KCNMB2: variants seen among roughly 807,000 people sequenced by gnomAD.
KCNMB2 encodes the protein potassium calcium-activated channel subfamily M regulatory beta subunit 2.
In KCNMB2, 9 loss-of-function variants were observed where a neutral mutation model predicts 24.5. The observed-to-expected ratio is 0.37, with a 90% CI of 0.22 to 0.64. The LOEUF is 0.64. Among genes scored for constraint, KCNMB2 ranks in the 30% least tolerant of loss-of-function variants. The pLI is 0.63. For missense variants in KCNMB2, 226 were observed against 284.3 expected (o/e 0.79, Z 1.47); for synonymous variants, 109 against 104.4 (o/e 1.04, Z -0.27).
intron 1 of KCNMB2, among the ~76,000 whole-genome samples, chr3:178,537,798 G>A (rs986360078): frequency 3.3e-5 from 5 of 152,170 alleles, no homozygotes; most frequent in African/African-American, 1.2e-4. Flanking sequence ...TGTTTCCCCA[G>A]TGGACTTCAC....
intron 1 of KCNMB2, among the ~76,000 whole-genome samples, chr3:178,713,797 C>T (rs1360364650): frequency 1.3e-5 from 2 of 152,124 alleles, no homozygotes; most frequent in African/African-American, 2.4e-5. Flanking sequence ...AATGGAGGCC[C>T]TTGGAGGTGC....
rs1577112495 is a variant in KCNMB2, at chr3:178,705,452, T to C, written c.-67-101891T>C. ...CTAGCCAAGAACTTGTATCAGGTAC[T>C]GTGAAATTATGAAAAGTTGTTTCAT... On this transcript the variant is annotated intron_variant, in intron 1 of 4. Transcript: ENST00000452583. Among the ~76,000 whole-genome samples, 3 of 152,184 alleles carry C rather than the reference T, an allele frequency of 2.0e-5. No individual in the cohort carries two copies. In the South Asian group the frequency reaches 6.2e-4, roughly 31 times the overall value.
At position 178,828,249 on chromosome 3, in the gene KCNMB2, G is replaced by T; in HGVS notation, c.299G>T (p.Ser100Ile). Residue 100 changes from serine to isoleucine, a missense_variant, in exon 4 of 5, where the codon AGC (serine) becomes ATC (isoleucine). Coordinates refer to ENST00000452583, the MANE Select transcript of KCNMB2 (RefSeq NM_181361.3). ...ACGGAAACATTTAATTGCTCCTTCAGCTGTGGTCCAGACTGCTGGAAACTT... is the reference window on the plus strand; with the variant it reads ...ACGGAAACATTTAATTGCTCCTTCATCTGTGGTCCAGACTGCTGGAAACTT... ...SITETFNCSF[S>I]CGPDCWKLSQ... 1 of 1,613,992 alleles carries T rather than the reference G, an allele frequency of 6.2e-7. No homozygotes were observed. Among genetic ancestry groups the T allele is most frequent in the Non-Finnish European group, 8.5e-7 (1 of 1,179,916 alleles).
At chr3:178,562,658 G>A (rs1409378373) in intron 1 of KCNMB2, among the ~76,000 whole-genome samples, 1 of 152,186 alleles carries the variant, frequency 6.6e-6, no homozygotes, top group Non-Finnish European at 1.5e-5. Flanking sequence ...TGACTCATGG[G>A]TTAAAAATGC....
intron 1 of KCNMB2, among the ~76,000 whole-genome samples, chr3:178,747,689 G>C (rs1577146012): frequency 1.3e-5 from 2 of 152,116 alleles, no homozygotes; most frequent in Non-Finnish European, 2.9e-5. Context: ...TCTTGTCTTT[G>C]AGTCTATAAA....
In KCNMB2 at chr3:178,757,954, CA is replaced by C. The variant is rs1724215242; in HGVS notation, c.-67-49388del. 3.9e-5 allele frequency among the ~76,000 whole-genome samples: 3 copies of C among 76,772 alleles called. 1 individual carries two copies. The highest frequency in any genetic ancestry group is 1.2e-4 in the African/African-American group (2 of 16,090). 50.4% of individuals were successfully genotyped at this position (76,772 alleles called of 152,430 possible). A position where few individuals can be genotyped will look rare whatever the true frequency, so the allele number is the denominator to read the frequency against. On this transcript the variant is annotated intron_variant, in intron 1 of 4. Coordinates refer to ENST00000452583, the MANE Select transcript of KCNMB2 (RefSeq NM_181361.3). ...ATATATACACAAGGGGATATATAGA[CA>C]CAAGAGGATATATATATAGACACAA... is the stretch of plus-strand genomic sequence containing the variant.
chr3:178,585,049 G>A (rs1717376705), intron 1 of KCNMB2, among the ~76,000 whole-genome samples: 1 of 152,220 alleles, frequency 6.6e-6, no homozygotes, highest in South Asian at 2.1e-4. Context: ...GACAGACTAA[G>A]AGAAGGATCT....
intron 1 of KCNMB2, among the ~76,000 whole-genome samples, chr3:178,726,596 TA>T (rs1450067348): frequency 1.3e-5 from 2 of 152,014 alleles, no homozygotes; most frequent in African/African-American, 4.8e-5. Flanking sequence ...TTTCTTTAGA[TA>T]TTTTTTAGAT....
chr3:178,587,088 T>C (rs1717469855), intron 1 of KCNMB2, among the ~76,000 whole-genome samples: 1 of 152,174 alleles, frequency 6.6e-6, no homozygotes, highest in African/African-American at 2.4e-5. Flanking sequence ...ACATTTATGG[T>C]GTGAACATAG....
intron 1 of KCNMB2, among the ~76,000 whole-genome samples, chr3:178,590,830 T>C (rs181068031): frequency 9.1e-4 from 139 of 152,314 alleles, no homozygotes; most frequent in African/African-American, 2.9e-3. Context: ...TATAATACTT[T>C]AATCACTTTT....
intron 1 of KCNMB2, among the ~76,000 whole-genome samples, chr3:178,543,001 C>A (rs140553365): frequency 6.6e-6 from 1 of 152,274 alleles, no homozygotes; most frequent in African/African-American, 2.4e-5. Context: ...CAAATTAGTG[C>A]ATACTGCCTA....
At chr3:178,559,536 T>C (rs1415658423) in intron 1 of KCNMB2, among the ~76,000 whole-genome samples, 1 of 151,792 alleles carries the variant, frequency 6.6e-6, no homozygotes, top group Admixed American at 6.6e-5. Flanking sequence ...TTCATTGTTT[T>C]AGGCAACAAG....
In KCNMB2 at chr3:178,696,846, T is replaced by C. The variant is rs1175431175; in HGVS notation, c.-67-110497T>C. 5.0e-5 allele frequency among the ~76,000 whole-genome samples: 3 copies of C among 59,896 alleles called. No individual in the cohort carries two copies. The East Asian group carries it at 1.2e-3, about 24-fold the overall frequency. 39.3% of individuals were successfully genotyped at this position (59,896 alleles called of 152,430 possible). On this transcript the variant is annotated intron_variant, in intron 1 of 4. Coordinates refer to ENST00000452583, the MANE Select transcript of KCNMB2 (RefSeq NM_181361.3). ...ATGATATTATTTACCAAAAAGTAAATTACTTTTACCAAATAGTAAACAATG... is the reference window on the plus strand; with the variant it reads ...ATGATATTATTTACCAAAAAGTAAACTACTTTTACCAAATAGTAAACAATG...
At chr3:178,747,862 T>C (rs184506029) in intron 1 of KCNMB2, among the ~76,000 whole-genome samples, 1 of 152,350 alleles carries the variant, frequency 6.6e-6, no homozygotes, top group African/African-American at 2.4e-5. Flanking sequence ...GTTCACCTTA[T>C]GACAGGTGTT....
chr3:178,600,664 G>A (rs2108507320), intron 1 of KCNMB2, among the ~76,000 whole-genome samples: 1 of 152,272 alleles, frequency 6.6e-6, no homozygotes, highest in South Asian at 2.1e-4. Flanking sequence ...AGAGATGGTA[G>A]GAATGAAGGG....
At chr3:178,801,425 T>C (rs1045189618) in intron 1 of KCNMB2, among the ~76,000 whole-genome samples, 1 of 152,212 alleles carries the variant, frequency 6.6e-6, no homozygotes, top group Non-Finnish European at 1.5e-5. Flanking sequence ...TGTTCTGCAA[T>C]GCACTCTTCT....
At chr3:178,842,340 A>G (rs775687756) in intron 4 of KCNMB2, among the ~76,000 whole-genome samples, 4 of 152,206 alleles carry the variant, frequency 2.6e-5, no homozygotes, top group Non-Finnish European at 5.9e-5. Flanking sequence ...GAATCCTGGG[A>G]ATCATTTAAT....
chr3:178,828,419 C>A, intron 4 of KCNMB2, 46 bp downstream of exon 4: 1 of 1,414,422 alleles, frequency 7.1e-7, no homozygotes, highest in Non-Finnish European at 9.8e-7. Context: ...CAGAGCTTCA[C>A]ACCAGGCTCT....
At chr3:178,742,370 G>A (rs749183104) in intron 1 of KCNMB2, among the ~76,000 whole-genome samples, 9 of 152,214 alleles carry the variant, frequency 5.9e-5, no homozygotes, top group Non-Finnish European at 1.3e-4. Flanking sequence ...GGCTTATTTC[G>A]TGCTGTAAGG....
Sources: gnomAD v4.1 joint callset for allele counts (sites outside exome capture counted in the v4.1 genomes callset) on GRCh38, gnomAD v4.1.1 for gene constraint, MANE v1.5 for transcripts, NCBI Gene and HGNC (gene_info 2026-07-23, HGNC 2026-07-21) for gene names.